The following CHODL variants were observed in gnomAD, a reference collection of about 807,000 sequenced individuals.
The protein encoded by CHODL is chondrolectin.
A neutral mutation model predicts 34.5 loss-of-function variants in CHODL; 29 were observed. The observed-to-expected ratio is 0.84, with a 90% confidence interval of 0.63 to 1.15. The LOEUF (loss-of-function observed/expected upper bound fraction) is 1.15, where lower values mean the gene tolerates loss of function less well. Among genes scored for constraint, CHODL ranks in the 50% most tolerant of loss-of-function variants. CHODL has a pLI of 0.00. For missense variants in CHODL, 332 were observed against 332.5 expected (o/e 1.00, Z 0.01); for synonymous variants, 125 against 116.1 (o/e 1.08, Z -0.49).
chr21:18,175,583 A>ACTGT (rs1031167410), intron 2 of CHODL, among the ~76,000 whole-genome samples: 1 of 151,344 alleles, frequency 6.6e-6, no homozygotes, highest in South Asian at 2.1e-4. Context: ...ACAGTGCGAG[A>ACTGT]CTGTCTGGAG....
intron 2 of CHODL, among the ~76,000 whole-genome samples, chr21:18,057,691 T>TA (rs1263987091): frequency 4.0e-5 from 6 of 151,800 alleles, no homozygotes; most frequent in Non-Finnish European, 7.4e-5. Context: ...CTTCCTCCAT[T>TA]AAAAAAAATC....
At chr21:18,140,394 C>T (rs916813784) in intron 2 of CHODL, among the ~76,000 whole-genome samples, 1 of 152,064 alleles carries the variant, frequency 6.6e-6, no homozygotes, top group Non-Finnish European at 1.5e-5. Flanking sequence ...ATAAGACAAA[C>T]CTATAACAGG....
intron 2 of CHODL, among the ~76,000 whole-genome samples, chr21:18,181,775 A>G (rs1337542879): frequency 6.6e-6 from 1 of 152,200 alleles, no homozygotes; most frequent in Non-Finnish European, 1.5e-5. Context: ...GACATTTTAT[A>G]TGAATGGAAT....
At chr21:18,219,101 C>G (rs1339188652) in intron 2 of CHODL, among the ~76,000 whole-genome samples, 1 of 152,102 alleles carries the variant, frequency 6.6e-6, no homozygotes, top group African/African-American at 2.4e-5. Flanking sequence ...AGCAACACCC[C>G]ACTCTGCAGT....
intron 2 of CHODL, among the ~76,000 whole-genome samples, chr21:18,177,517 A>G (rs1429549969): frequency 6.6e-6 from 1 of 152,174 alleles, no homozygotes; most frequent in African/African-American, 2.4e-5. Flanking sequence ...GGAATCCATG[A>G]TGATCTGACA....
chr21:18,019,009 T>C (rs258646), intron 1 of CHODL, among the ~76,000 whole-genome samples: 7,740 of 152,316 alleles, frequency 0.051, 275 homozygotes, highest in Non-Finnish European at 0.077. Context: ...GTTAAGTTCA[T>C]GACTTAGAAA....
chr21:18,112,976 A>G (rs1363682188), intron 2 of CHODL, among the ~76,000 whole-genome samples: 2 of 152,200 alleles, frequency 1.3e-5, no homozygotes, highest in Non-Finnish European at 2.9e-5. Flanking sequence ...AAGTGAAGAG[A>G]CAACCCACAG....
chr21:18,033,824 C>T (rs559659204), intron 2 of CHODL, among the ~76,000 whole-genome samples: 3 of 151,934 alleles, frequency 2.0e-5, no homozygotes, highest in Admixed American at 6.6e-5. Context: ...AGAATCAAGA[C>T]GCTCACACAC....
intron 4 of CHODL, among the ~76,000 whole-genome samples, chr21:18,262,497 G>T (rs2074394374): frequency 6.6e-6 from 1 of 152,062 alleles, no homozygotes; most frequent in African/African-American, 2.4e-5. Context: ...TCTAAACATA[G>T]AAATCTATAA....
At chr21:18,211,462 A>G (rs1201134692) in intron 2 of CHODL, among the ~76,000 whole-genome samples, 1 of 152,200 alleles carries the variant, frequency 6.6e-6, no homozygotes, top group African/African-American at 2.4e-5. Flanking sequence ...TGAGTCCAAA[A>G]GGAAAAAGTT....
At chr21:17,922,872 G>A (rs2063193368) in intron 1 of CHODL, among the ~76,000 whole-genome samples, 1 of 152,128 alleles carries the variant, frequency 6.6e-6, no homozygotes, top group African/African-American at 2.4e-5. Flanking sequence ...ACGTGCCCAA[G>A]GTGGTCAGAG....
chr21:18,143,031 T>G (rs2072821416), intron 2 of CHODL, among the ~76,000 whole-genome samples: 1 of 152,228 alleles, frequency 6.6e-6, no homozygotes, highest in African/African-American at 2.4e-5. Context: ...GAGTATTCAG[T>G]AATTTTTATA....
intron 1 of CHODL, among the ~76,000 whole-genome samples, chr21:18,004,563 G>A (rs898080896): frequency 6.6e-6 from 1 of 152,174 alleles, no homozygotes; most frequent in African/African-American, 2.4e-5. Context: ...GTCAAATGAG[G>A]ACAATTCAAT....
intron 1 of CHODL, among the ~76,000 whole-genome samples, chr21:18,253,442 A>G (rs2146805800): frequency 6.6e-6 from 1 of 152,250 alleles, no homozygotes; most frequent in South Asian, 2.1e-4. Context: ...GAACAAGTTA[A>G]AAACTCAAGG....
chr21:18,028,570 G>A (rs1423038466), intron 2 of CHODL, among the ~76,000 whole-genome samples: 1 of 151,436 alleles, frequency 6.6e-6, no homozygotes, highest in Non-Finnish European at 1.5e-5. Flanking sequence ...GTGGTGGCAG[G>A]TGCTTGTAAT....
chr21:18,216,348 C>T (rs976077300), intron 2 of CHODL, among the ~76,000 whole-genome samples: 2 of 152,140 alleles, frequency 1.3e-5, no homozygotes, highest in Non-Finnish European at 2.9e-5. Flanking sequence ...CTATAGTCCT[C>T]GCATTATGCT....
At position 18,213,406 on chromosome 21, in the gene CHODL, A is replaced by G. The variant is rs112099772; in HGVS notation, c.-44-43103A>G. Among the ~76,000 whole-genome samples the G allele has an allele frequency of 1.1e-4, 16 of 152,212 alleles. 1 individual carries two copies. The highest frequency in any genetic ancestry group is 3.8e-4 in the African/African-American group (16 of 41,572). ...TTCTCTTATTTAGTATACACCAACT[A>G]AACAACCGAATGCTATTATTGCCCA... is the stretch of plus-strand genomic sequence containing the variant. On this transcript the variant is annotated intron_variant, in intron 2 of 6. Coordinates refer to the CHODL transcript ENST00000400127.
At chr21:18,200,510 G>A (rs1355750371) in intron 2 of CHODL, among the ~76,000 whole-genome samples, 2 of 152,120 alleles carry the variant, frequency 1.3e-5, no homozygotes, top group Admixed American at 6.5e-5. Flanking sequence ...AACATGAGAA[G>A]TAATTATAAA....
At chr21:18,179,765 A>T (rs552088670) in intron 2 of CHODL, among the ~76,000 whole-genome samples, 2 of 152,334 alleles carry the variant, frequency 1.3e-5, no homozygotes, top group South Asian at 4.1e-4. Context: ...TATATTTATG[A>T]ATAAATTAAA....
Sources: allele counts gnomAD v4.1 joint callset (sites outside exome capture counted in the v4.1 genomes callset), GRCh38; gene constraint gnomAD v4.1.1; transcripts MANE v1.5; gene names NCBI Gene and HGNC (gene_info 2026-07-23, HGNC 2026-07-21).